Variants in RMST observed in about 807,000 individuals in gnomAD.
RMST encodes the protein long intergenic non-protein coding RNA 54.
intron 10 of RMST, among the ~76,000 whole-genome samples, chr12:97,496,775 TC>T (rs1345705784): frequency 2.6e-5 from 4 of 152,124 alleles, no homozygotes; most frequent in African/African-American, 9.7e-5. Context: ...TGTGGAATTG[TC>T]TTTTTGGAGG....
intron 5 of RMST, among the ~76,000 whole-genome samples, chr12:97,477,297 A>G (rs1874668989): frequency 6.6e-6 from 1 of 152,188 alleles, no homozygotes; most frequent in African/African-American, 2.4e-5. Flanking sequence ...AAGCAAACCT[A>G]GCAATCCTGC....
At chr12:97,553,094 T>C (rs1813538965) in intron 11 of RMST, among the ~76,000 whole-genome samples, 1 of 152,218 alleles carries the variant, frequency 6.6e-6, no homozygotes, top group African/African-American at 2.4e-5. Context: ...GGTAAAATGT[T>C]ATTTTACCAG....
intron 5 of RMST, among the ~76,000 whole-genome samples, chr12:97,482,737 A>ATT (rs371711920): frequency 0.041 from 2,459 of 59,304 alleles, 365 homozygotes; most frequent in African/African-American, 0.13. Context: ...AAATAAATTT[A>ATT]TATTATTTAT....
At chr12:97,501,347 A>G (rs1407633122) in intron 10 of RMST, among the ~76,000 whole-genome samples, 1 of 152,240 alleles carries the variant, frequency 6.6e-6, no homozygotes, top group Non-Finnish European at 1.5e-5. Context: ...CAGGAATTAA[A>G]TTAATTTTGT....
chr12:97,506,409 A>T (rs1415910109), intron 10 of RMST, among the ~76,000 whole-genome samples: 1 of 152,210 alleles, frequency 6.6e-6, no homozygotes, highest in East Asian at 1.9e-4. Context: ...CTTATTTATC[A>T]AAAATATTTG....
intron 10 of RMST, among the ~76,000 whole-genome samples, chr12:97,522,599 A>G (rs1167822776): frequency 1.3e-5 from 2 of 152,194 alleles, no homozygotes; most frequent in Non-Finnish European, 2.9e-5. Flanking sequence ...TGTTACTTTT[A>G]AACTCAGAAG....
chr12:97,552,761 T>C (rs1481601661), intron 11 of RMST, among the ~76,000 whole-genome samples: 1 of 152,234 alleles, frequency 6.6e-6, no homozygotes, highest in East Asian at 1.9e-4. Flanking sequence ...CTTTATTCTG[T>C]AAGAAATGCA....
chr12:97,531,128 A>G (rs1419344904), intron 11 of RMST, among the ~76,000 whole-genome samples: 1 of 151,990 alleles, frequency 6.6e-6, no homozygotes, highest in Admixed American at 6.6e-5. Context: ...ATCAGTTTTC[A>G]GAATAAGTAT....
intron 5 of RMST, among the ~76,000 whole-genome samples, chr12:97,491,163 T>C (rs957798804): frequency 3.3e-5 from 5 of 152,124 alleles, no homozygotes; most frequent in African/African-American, 9.7e-5. Flanking sequence ...TTCACAGGGG[T>C]AAGACAGGTT....
intron 10 of RMST, among the ~76,000 whole-genome samples, chr12:97,509,250 T>C (rs1247642503): frequency 6.6e-6 from 1 of 152,232 alleles, no homozygotes; most frequent in East Asian, 1.9e-4. Flanking sequence ...ATACAGCTGA[T>C]ACTTGAGTTC....
At chr12:97,492,478 G>C (rs1876953553) in exon 6 of RMST, 1 of 159,140 alleles carries the variant, frequency 6.3e-6, no homozygotes, top group African/African-American at 2.4e-5. Flanking sequence ...GGATGATGGA[G>C]TGAGTGATGG....
intron 5 of RMST, among the ~76,000 whole-genome samples, chr12:97,473,525 C>G (rs1283694866): frequency 6.6e-6 from 1 of 152,094 alleles, no homozygotes; most frequent in Non-Finnish European, 1.5e-5. Flanking sequence ...AATATGTCAA[C>G]TTCCTCACTA....
intron 5 of RMST, among the ~76,000 whole-genome samples, chr12:97,486,892 G>A (rs897691840): frequency 6.6e-6 from 1 of 152,304 alleles, no homozygotes; most frequent in Non-Finnish European, 1.5e-5. Context: ...CAAGCTTGAT[G>A]TCATGCTATA....
At chr12:97,517,561 T>C (rs139755551) in intron 10 of RMST, among the ~76,000 whole-genome samples, 1 of 152,120 alleles carries the variant, frequency 6.6e-6, no homozygotes, top group East Asian at 1.9e-4. Flanking sequence ...ATTCTATATG[T>C]ATTTTTCTAT....
chr12:97,474,961 G>T (rs947239442), intron 5 of RMST, among the ~76,000 whole-genome samples: 32 of 152,110 alleles, frequency 2.1e-4, no homozygotes, highest in African/African-American at 7.5e-4. Context: ...GACATAAATT[G>T]CTCATTGCCT....
chr12:97,488,652 A>C (rs928006883), intron 5 of RMST, among the ~76,000 whole-genome samples: 1 of 152,104 alleles, frequency 6.6e-6, no homozygotes, highest in South Asian at 2.1e-4. Context: ...TCCAGGTGAA[A>C]GTGTGAGATT....
intron 10 of RMST, among the ~76,000 whole-genome samples, chr12:97,501,550 G>A (rs751992636): frequency 9.9e-5 from 15 of 152,192 alleles, no homozygotes; most frequent in Non-Finnish European, 2.1e-4. Context: ...GCAGGTTACA[G>A]AAATTAAAAC....
intron 10 of RMST, among the ~76,000 whole-genome samples, chr12:97,507,268 G>T (rs1861376): frequency 0.024 from 2,450 of 103,340 alleles, 78 homozygotes; most frequent in African/African-American, 0.15. Context: ...TTTTTTTTTT[G>T]TTTTTGTCTT....
At chr12:97,483,024 G>A (rs571699020) in intron 5 of RMST, among the ~76,000 whole-genome samples, 2 of 151,788 alleles carry the variant, frequency 1.3e-5, no homozygotes, top group East Asian at 1.9e-4. Flanking sequence ...ACGGCTCACG[G>A]GACAGTCATA....
Sources: gnomAD v4.1 joint callset for allele counts (sites outside exome capture counted in the v4.1 genomes callset) on GRCh38, gnomAD v4.1.1 for gene constraint, MANE v1.5 for transcripts, NCBI Gene and HGNC (gene_info 2026-07-23, HGNC 2026-07-21) for gene names.